CREB5: variants seen among roughly 807,000 people sequenced by gnomAD.
CREB5 encodes the protein cyclic AMP-responsive element-binding protein 5.
CREB5 carries 19 observed loss-of-function variants against 57.1 expected under a neutral mutation model. That is an observed-to-expected ratio of 0.33 (90% CI 0.23 to 0.49). The LOEUF (loss-of-function observed/expected upper bound fraction) is 0.49, where lower values mean the gene tolerates loss of function less well. Among genes scored for constraint, CREB5 ranks in the 20% least tolerant of loss-of-function variants. CREB5 has a pLI of 0.99. For missense variants in CREB5, 579 were observed against 671.6 expected (o/e 0.86, Z 1.52); for synonymous variants, 238 against 238.3 (o/e 1.00, Z 0.01).
chr7:28,797,045 A>G (rs770540606), intron 7 of CREB5, among the ~76,000 whole-genome samples: 6 of 152,258 alleles, frequency 3.9e-5, no homozygotes, highest in Non-Finnish European at 7.3e-5. Flanking sequence ...TTCTTCATTC[A>G]GCAAGAATAA....
intron 7 of CREB5, among the ~76,000 whole-genome samples, chr7:28,732,283 A>C (rs561759950): frequency 1.4e-4 from 21 of 152,124 alleles, no homozygotes; most frequent in Non-Finnish European, 2.9e-4. Context: ...AACTGGTGAA[A>C]TACAATCCCA....
At chr7:28,613,023 G>T (rs1292372603) in intron 5 of CREB5, among the ~76,000 whole-genome samples, 4 of 152,134 alleles carry the variant, frequency 2.6e-5, no homozygotes, top group Non-Finnish European at 5.9e-5. Context: ...GAGTTACCCA[G>T]GGGACTAGTG....
At chr7:28,421,135 C>T (rs1346322777) in intron 1 of CREB5, among the ~76,000 whole-genome samples, 4 of 152,126 alleles carry the variant, frequency 2.6e-5, no homozygotes, top group East Asian at 3.9e-4. Context: ...TATTCCTCCC[C>T]CTTTCCCAAC....
chr7:28,560,917 TGTGTGCGC>T (rs1795177926), intron 4 of CREB5, among the ~76,000 whole-genome samples: 1 of 80,822 alleles, frequency 1.2e-5, no homozygotes, highest in African/African-American at 6.3e-5. Flanking sequence ...TGCGTGTGCG[TGTGTGCGC>T]GTGCGTGTGT....
intron 1 of CREB5, among the ~76,000 whole-genome samples, chr7:28,423,886 C>T (rs2128011659): frequency 6.6e-6 from 1 of 152,320 alleles, no homozygotes; most frequent in African/African-American, 2.4e-5. Flanking sequence ...CTCAGTGGGT[C>T]TAGGGCATGG....
At chr7:28,432,893 C>G (rs918998123) in intron 1 of CREB5, among the ~76,000 whole-genome samples, 2 of 152,134 alleles carry the variant, frequency 1.3e-5, no homozygotes, top group Non-Finnish European at 2.9e-5. Context: ...TAATCTATGT[C>G]TTCATCCATA....
rs535264924 is a variant in CREB5, at chr7:28,431,001, T to C, written c.3+18084T>C. Among the ~76,000 whole-genome samples the C allele has an allele frequency of 7.2e-5, 11 of 152,322 alleles. No homozygotes were observed. The South Asian group carries it at 1.7e-3, about 23-fold the overall frequency. On this transcript the variant is annotated intron_variant, in intron 1 of 10. Transcript: ENST00000357727. Reference sequence around the variant, plus strand: ...ATGGCTGTTGGCTGGCTTCCGATTCTTGCTGGCTGTTGGCCTGAGACATTA... The same window carrying C: ...ATGGCTGTTGGCTGGCTTCCGATTCCTGCTGGCTGTTGGCCTGAGACATTA...
chr7:28,530,428 G>A (rs188208297), intron 4 of CREB5, among the ~76,000 whole-genome samples: 36 of 152,264 alleles, frequency 2.4e-4, no homozygotes, highest in Non-Finnish European at 2.8e-4. Flanking sequence ...CAGGGTGCAC[G>A]AAGCCATAGC....
intron 5 of CREB5, among the ~76,000 whole-genome samples, chr7:28,676,048 T>G (rs1304857506): frequency 6.6e-6 from 1 of 152,138 alleles, no homozygotes; most frequent in East Asian, 1.9e-4. Context: ...GAGTCTCTTC[T>G]GTCAACACAA....
chr7:28,468,102 A>G (rs912012291), intron 1 of CREB5, among the ~76,000 whole-genome samples: 23 of 152,132 alleles, frequency 1.5e-4, no homozygotes, highest in Non-Finnish European at 5.9e-5. Context: ...GCTGAGTGGT[A>G]AGGAGAACTT....
chr7:28,583,218 A>G (rs1796182667), intron 5 of CREB5, among the ~76,000 whole-genome samples: 1 of 152,222 alleles, frequency 6.6e-6, no homozygotes, highest in Admixed American at 6.5e-5. Flanking sequence ...ACAAAATTGG[A>G]AGATGCTTTT....
intron 7 of CREB5, among the ~76,000 whole-genome samples, chr7:28,762,984 C>A (rs1805751114): frequency 6.6e-6 from 1 of 152,112 alleles, no homozygotes; most frequent in African/African-American, 2.4e-5. Flanking sequence ...TTCTTACCTC[C>A]ACAGCATTTA....
At chr7:28,811,707 G>T (rs1270060071) in intron 9 of CREB5, among the ~76,000 whole-genome samples, 1 of 152,148 alleles carries the variant, frequency 6.6e-6, no homozygotes, top group South Asian at 2.1e-4. Flanking sequence ...TTTTAATTTT[G>T]ATGTGTATTG....
At chr7:28,534,724 C>T (rs146453948) in intron 4 of CREB5, among the ~76,000 whole-genome samples, 1 of 141,150 alleles carries the variant, frequency 7.1e-6, no homozygotes, top group African/African-American at 2.6e-5. Flanking sequence ...TCTGCATCAT[C>T]ATCTTAACAA....
chr7:28,303,993 T>G (rs759753090), intron 1 of CREB5, among the ~76,000 whole-genome samples: 2 of 152,294 alleles, frequency 1.3e-5, no homozygotes, highest in South Asian at 2.1e-4. Flanking sequence ...AAAAGAACAG[T>G]TGCTTTTTTA....
intron 5 of CREB5, among the ~76,000 whole-genome samples, chr7:28,644,507 C>A (rs371518539): frequency 2.0e-5 from 3 of 152,122 alleles, no homozygotes; most frequent in African/African-American, 7.2e-5. Context: ...TGTCGCGCCC[C>A]CAACGTTCCA....
chr7:28,817,809 C>T (rs1264072100), intron 9 of CREB5, among the ~76,000 whole-genome samples: 1 of 152,184 alleles, frequency 6.6e-6, no homozygotes, highest in African/African-American at 2.4e-5. Flanking sequence ...CTTCGGTTCC[C>T]ATCACCTAAG....
At chr7:28,624,201 T>C (rs1262508111) in intron 5 of CREB5, among the ~76,000 whole-genome samples, 1 of 152,246 alleles carries the variant, frequency 6.6e-6, no homozygotes, top group Non-Finnish European at 1.5e-5. Context: ...CTTTAGACTC[T>C]GCACGTCTAA....
At chr7:28,512,787 G>T (rs1050212956) in intron 4 of CREB5, among the ~76,000 whole-genome samples, 1 of 152,182 alleles carries the variant, frequency 6.6e-6, no homozygotes, top group African/African-American at 2.4e-5. Flanking sequence ...AAGATGAAAA[G>T]TGTGGTGTAT....
Sources: gnomAD v4.1 joint callset for allele counts (sites outside exome capture counted in the v4.1 genomes callset) on GRCh38, gnomAD v4.1.1 for gene constraint, MANE v1.5 for transcripts, NCBI Gene and HGNC (gene_info 2026-07-23, HGNC 2026-07-21) for gene names.